Variants in CDK13 observed in about 807,000 individuals in gnomAD.
CDK13 encodes the protein cyclin dependent kinase 13, also known as cyclin-dependent kinase 13.
A neutral mutation model predicts 137.6 loss-of-function variants in CDK13; 40 were observed. That is an observed-to-expected ratio of 0.29 (90% CI 0.23 to 0.38). CDK13 has a LOEUF of 0.38. Among genes scored for constraint, CDK13 ranks in the 10% least tolerant of loss-of-function variants. CDK13 has a pLI of 1.00. For missense variants in CDK13, 1,704 were observed against 1,951.8 expected, an observed-to-expected ratio of 0.87 and a Z score of 2.39; for synonymous variants, 869 against 760.1, an observed-to-expected ratio of 1.14 and a Z score of -2.36.
chr7:39,962,033 T>C (rs1268265027), intron 1 of CDK13, among the ~76,000 whole-genome samples: 1 of 152,222 alleles, frequency 6.6e-6, no homozygotes, highest in Non-Finnish European at 1.5e-5. Context: ...ATCCAGTCTA[T>C]CATTGTTGGA....
chr7:40,078,961 AAT>A (rs1786605843), intron 11 of CDK13, 110 bp downstream of exon 11: 2 of 335,092 alleles, frequency 6.0e-6, no homozygotes, highest in South Asian at 2.5e-4. Context: ...TTATGAGAAA[AAT>A]ATAATAAAGG....
chr7:39,975,014 G>A (rs1784076832), intron 1 of CDK13, among the ~76,000 whole-genome samples: 2 of 152,066 alleles, frequency 1.3e-5, no homozygotes, highest in South Asian at 4.2e-4. Context: ...GTCATAAATG[G>A]CTAGTTTTAT....
chr7:39,951,154 CG>C lies in CDK13; in HGVS notation c.518del (p.Gly173GlufsTer163). On this transcript the variant is annotated frameshift_variant, in exon 1 of 14. Coordinates refer to ENST00000181839, the MANE Select transcript of CDK13 (RefSeq NM_003718.5). LOFTEE classifies it high-confidence loss of function. ...ASAATAATAA[G>X]GTGGSGGSPA... ...GCGCGGCAACGGCGGCGACGGCTGCCGGGGGAACGGGGGGCAGCGGCGGGAG... is the reference window on the plus strand; with the variant it reads ...GCGCGGCAACGGCGGCGACGGCTGCCGGGGAACGGGGGGCAGCGGCGGGAG... 1.6e-6 allele frequency: 2 copies of C among 1,241,514 alleles called. No individual in the cohort carries two copies. The highest frequency in any genetic ancestry group is 2.0e-6 in the Non-Finnish European group (2 of 994,254). 76.9% of individuals were successfully genotyped at this position (1,241,514 alleles called of 1,614,324 possible).
chr7:39,993,334 C>T (rs769043336), intron 2 of CDK13, among the ~76,000 whole-genome samples: 16 of 152,098 alleles, frequency 1.1e-4, no homozygotes, highest in Non-Finnish European at 2.2e-4. Flanking sequence ...TAGTAATAGC[C>T]ACTACTCTTT....
intron 1 of CDK13, among the ~76,000 whole-genome samples, chr7:39,964,489 G>A (rs1244182626): frequency 6.8e-6 from 1 of 146,248 alleles, no homozygotes; most frequent in Admixed American, 6.9e-5. Flanking sequence ...ATTTTTTATT[G>A]CATCTATTTG....
Position 40,032,417 on chromosome 7 carries a change from C to T in CDK13, c.2354-13419C>T, listed in dbSNP as rs531739399. ...TTAACGCTATCCAACATATTAGTTTCTTCTTTTCACATATTGTGATTTTGG... is the reference window on the plus strand; with the variant it reads ...TTAACGCTATCCAACATATTAGTTTTTTCTTTTCACATATTGTGATTTTGG... On this transcript the variant is annotated intron_variant, in intron 5 of 13. Coordinates refer to ENST00000181839, the MANE Select transcript of CDK13 (RefSeq NM_003718.5). 1.9e-4 allele frequency among the ~76,000 whole-genome samples: 29 copies of T among 152,306 alleles called. No individual in the cohort carries two copies. In the South Asian group the frequency reaches 6.0e-3, roughly 32 times the overall value.
intron 7 of CDK13, chr7:40,061,267 A>G (rs919650462): frequency 6.6e-6 from 1 of 152,224 alleles, no homozygotes; most frequent in African/African-American, 2.4e-5. Context: ...TTAATTTACT[A>G]TTAAAAATAT....
chr7:40,049,179 C>CAAAAA (rs917975927), intron 7 of CDK13: 3 of 51,324 alleles, frequency 5.8e-5, no homozygotes, highest in South Asian at 1.1e-3. Context: ...AGACTGTCTC[C>CAAAAA]AAAAAAAAAA....
At chr7:40,042,481 T>C (rs534055173) in intron 5 of CDK13, among the ~76,000 whole-genome samples, 73 of 121,670 alleles carry the variant, frequency 6.0e-4, no homozygotes, top group East Asian at 6.2e-4. Flanking sequence ...TTCTTTCTTT[T>C]TTTTTTTTTT....
At chr7:40,055,601 GTCTT>G (rs1354283427) in intron 7 of CDK13, among the ~76,000 whole-genome samples, 1 of 142,804 alleles carries the variant, frequency 7.0e-6, no homozygotes, top group African/African-American at 2.6e-5. Flanking sequence ...TTGAGACAGA[GTCTT>G]TCTTGCTCTG....
chr7:39,951,945 T>TGA, intron 1 of CDK13, 93 bp downstream of exon 1: 1 of 1,230,090 alleles, frequency 8.1e-7, no homozygotes, highest in Non-Finnish European at 1.0e-6. Flanking sequence ...TCAGAACGAC[T>TGA]CAGGTCCACC....
At chr7:40,025,243 T>A (rs866698839) in intron 5 of CDK13, among the ~76,000 whole-genome samples, 1 of 152,182 alleles carries the variant, frequency 6.6e-6, no homozygotes, top group African/African-American at 2.4e-5. Context: ...AATACTACAG[T>A]TACTTTACTT....
intron 5 of CDK13, among the ~76,000 whole-genome samples, chr7:40,026,598 C>T (rs59537889): frequency 0.14 from 21,676 of 152,144 alleles, 5,104 homozygotes; most frequent in African/African-American, 0.49. Flanking sequence ...CATAAATAAC[C>T]ATAAAATTTA....
intron 7 of CDK13, chr7:40,048,497 G>A (rs1785800649): frequency 1.3e-5 from 2 of 151,968 alleles, no homozygotes; most frequent in East Asian, 1.9e-4. Context: ...AATAAAATAC[G>A]GAATTAATTT....
chr7:39,981,147 A>T (rs1277355624), intron 1 of CDK13, among the ~76,000 whole-genome samples: 1 of 152,088 alleles, frequency 6.6e-6, no homozygotes, highest in Admixed American at 6.6e-5. Flanking sequence ...TGGACAGATC[A>T]CTTGAGTCCA....
At chr7:40,008,341 G>A (rs1042609520) in intron 5 of CDK13, among the ~76,000 whole-genome samples, 18 of 152,308 alleles carry the variant, frequency 1.2e-4, no homozygotes, top group Non-Finnish European at 1.0e-4. Context: ...TGAAGTTACA[G>A]AACATTTTCA....
chr7:40,089,827 G>A (rs1786882191), intron 12 of CDK13, among the ~76,000 whole-genome samples: 1 of 151,950 alleles, frequency 6.6e-6, no homozygotes, highest in Admixed American at 6.6e-5. Context: ...TGATTGATGA[G>A]TTAGTTGATT....
intron 1 of CDK13, among the ~76,000 whole-genome samples, chr7:39,959,438 G>A (rs1457933936): frequency 6.6e-6 from 1 of 151,554 alleles, no homozygotes; most frequent in Non-Finnish European, 1.5e-5. Flanking sequence ...TGGGATTACA[G>A]GCGTGAGCCA....
At chr7:40,020,035 G>A (rs1746330405) in intron 5 of CDK13, among the ~76,000 whole-genome samples, 2 of 152,092 alleles carry the variant, frequency 1.3e-5, no homozygotes, top group Admixed American at 6.5e-5. Flanking sequence ...TTTACAATAT[G>A]TTCTAGATTT....
Sources: allele counts gnomAD v4.1 joint callset (sites outside exome capture counted in the v4.1 genomes callset), GRCh38; gene constraint gnomAD v4.1.1; transcripts MANE v1.5; gene names NCBI Gene and HGNC (gene_info 2026-07-23, HGNC 2026-07-21).